IMMP2L: variants seen among roughly 807,000 people sequenced by gnomAD.
The protein encoded by IMMP2L is inner mitochondrial membrane peptidase subunit 2.
A neutral mutation model predicts 19.3 loss-of-function variants in IMMP2L; 18 were observed. The ratio of observed to expected loss-of-function variants is 0.93; its 90% CI spans 0.64 to 1.38. The LOEUF (loss-of-function observed/expected upper bound fraction) is 1.38. Ranked by LOEUF, IMMP2L falls within the 40% of genes most tolerant of loss-of-function variation. IMMP2L has a pLI of 0.00. For missense variants in IMMP2L, 233 were observed against 218.2 expected, an observed-to-expected ratio of 1.07 and a Z score of -0.43; for synonymous variants, 76 against 73.0, an observed-to-expected ratio of 1.04 and a Z score of -0.21.
intron 3 of IMMP2L, among the ~76,000 whole-genome samples, chr7:111,018,559 T>C (rs1046200306): frequency 3.9e-5 from 6 of 152,140 alleles, no homozygotes; most frequent in African/African-American, 1.4e-4. Context: ...GCGCTTTGTG[T>C]GTAGCAGCCA....
At chr7:110,733,192 A>C (rs927114152) in intron 5 of IMMP2L, among the ~76,000 whole-genome samples, 1 of 152,182 alleles carries the variant, frequency 6.6e-6, no homozygotes, top group African/African-American at 2.4e-5. Context: ...GTCTGGTGCT[A>C]GTACGACAGC....
At chr7:111,061,169 T>C (rs755835570) in intron 3 of IMMP2L, among the ~76,000 whole-genome samples, 1 of 152,146 alleles carries the variant, frequency 6.6e-6, no homozygotes, top group African/African-American at 2.4e-5. Flanking sequence ...CAAAACCAAG[T>C]AAGATTTCAG....
At chr7:110,851,846 A>T (rs13225329) in intron 5 of IMMP2L, among the ~76,000 whole-genome samples, 2 of 152,084 alleles carry the variant, frequency 1.3e-5, no homozygotes, top group African/African-American at 4.8e-5. Flanking sequence ...TGACAGATGG[A>T]ATTTTCTAAT....
intron 3 of IMMP2L, among the ~76,000 whole-genome samples, chr7:111,298,599 A>C (rs946161869): frequency 1.3e-5 from 2 of 151,818 alleles, no homozygotes; most frequent in Non-Finnish European, 2.9e-5. Flanking sequence ...AAAACACACA[A>C]AAAAAATTTA....
intron 3 of IMMP2L, among the ~76,000 whole-genome samples, chr7:111,097,903 C>A (rs1403199272): frequency 2.6e-5 from 4 of 151,566 alleles, no homozygotes; most frequent in Non-Finnish European, 2.9e-5. Context: ...CTACAAAGGC[C>A]AAGGGGTTAA....
intron 5 of IMMP2L, among the ~76,000 whole-genome samples, chr7:110,750,224 A>G (rs1797635316): frequency 1.3e-5 from 2 of 151,822 alleles, no homozygotes; most frequent in African/African-American, 4.8e-5. Flanking sequence ...AAACACATCA[A>G]TACACATAGT....
chr7:111,329,992 G>A (rs902475466), intron 3 of IMMP2L, among the ~76,000 whole-genome samples: 5 of 151,662 alleles, frequency 3.3e-5, no homozygotes, highest in African/African-American at 9.7e-5. Flanking sequence ...AAGAACAGTG[G>A]CAAAACAGAA....
rs1250603294 is a variant in IMMP2L at position 111,123,729 on chromosome 7, C to T, written c.240-160164G>A. 1 of 1,613,844 alleles carries T rather than the reference C, an allele frequency of 6.2e-7. No homozygotes were observed. Among genetic ancestry groups the T allele is most frequent in the South Asian group, 1.1e-5 (1 of 91,072 alleles). ...TAAGAAAAATAGAAGCTACTAACAA[C>T]CCTAGATTGTCTTACATTCACCCCA... is the stretch of plus-strand genomic sequence containing the variant. On this transcript the variant is annotated intron_variant, in intron 3 of 5. Transcript: ENST00000405709. This position sits in a 1 kb window ranked among gnomAD's most constrained non-coding sequence, Gnocchi z 6.4.
At chr7:111,376,170 C>T (rs1167409274) in intron 3 of IMMP2L, among the ~76,000 whole-genome samples, 2 of 151,932 alleles carry the variant, frequency 1.3e-5, no homozygotes, top group Non-Finnish European at 2.9e-5. Context: ...AAATTATAAA[C>T]AATGAAGAGT....
At chr7:111,075,810 G>A (rs1042188671) in intron 3 of IMMP2L, among the ~76,000 whole-genome samples, 39 of 152,082 alleles carry the variant, frequency 2.6e-4, no homozygotes, top group African/African-American at 9.2e-4. Context: ...TCTCTCCTCT[G>A]AGCTCCATGC....
intron 3 of IMMP2L, among the ~76,000 whole-genome samples, chr7:111,098,059 A>G (rs1042779850): frequency 6.6e-6 from 1 of 151,852 alleles, no homozygotes; most frequent in Non-Finnish European, 1.5e-5. Flanking sequence ...GGTGACTGCC[A>G]TATATGAAAG....
chr7:110,929,515 A>G (rs1026856572), intron 4 of IMMP2L, among the ~76,000 whole-genome samples: 4 of 152,192 alleles, frequency 2.6e-5, no homozygotes, highest in Admixed American at 6.5e-5. Flanking sequence ...TGCATTAATC[A>G]TATAGAAAGA....
chr7:110,883,419 A>G (rs1809894448), intron 5 of IMMP2L, among the ~76,000 whole-genome samples: 1 of 152,174 alleles, frequency 6.6e-6, no homozygotes, highest in South Asian at 2.1e-4. Flanking sequence ...TTTATCTAAT[A>G]AGGTATCAAT....
intron 3 of IMMP2L, among the ~76,000 whole-genome samples, chr7:111,388,906 C>T (rs1832061827): frequency 1.3e-5 from 2 of 152,084 alleles, no homozygotes; most frequent in South Asian, 4.2e-4. Context: ...CATATATGTA[C>T]ATACATATAT....
intron 3 of IMMP2L, among the ~76,000 whole-genome samples, chr7:111,065,701 C>G (rs141888289): frequency 6.6e-6 from 1 of 152,184 alleles, no homozygotes; most frequent in Non-Finnish European, 1.5e-5. Flanking sequence ...TTCCTGTTCT[C>G]GAACATCGGA....
At chr7:111,425,292 T>A (rs1835962293) in intron 3 of IMMP2L, among the ~76,000 whole-genome samples, 1 of 144,964 alleles carries the variant, frequency 6.9e-6, no homozygotes, top group Non-Finnish European at 1.6e-5. Context: ...GAGGACTTTC[T>A]GGGATGATGT....
chr7:111,556,429 A>G (rs1389717660), intron 1 of IMMP2L, among the ~76,000 whole-genome samples: 1 of 152,078 alleles, frequency 6.6e-6, no homozygotes. Context: ...AATATACACA[A>G]TAAAATGTAT....
chr7:111,472,938 G>GA (rs923372297), intron 3 of IMMP2L, among the ~76,000 whole-genome samples: 3 of 145,642 alleles, frequency 2.1e-5, no homozygotes, highest in Admixed American at 6.9e-5. Flanking sequence ...TCTACTAAAA[G>GA]AAAAAAAAGA....
At chr7:110,717,889 G>A (rs1393010554) in intron 5 of IMMP2L, among the ~76,000 whole-genome samples, 1 of 152,196 alleles carries the variant, frequency 6.6e-6, no homozygotes, top group African/African-American at 2.4e-5. Context: ...GATAAAACTA[G>A]AGGAGGAAGT....
Sources: gnomAD v4.1 joint callset for allele counts (sites outside exome capture counted in the v4.1 genomes callset) on GRCh38, gnomAD v4.1.1 for gene constraint, Gnocchi (gnomAD v3.1) non-coding constraint, MANE v1.5 for transcripts, NCBI Gene and HGNC (gene_info 2026-07-23, HGNC 2026-07-21) for gene names.